The following RUNX2 variants were observed in gnomAD, a reference collection of about 807,000 sequenced individuals.
RUNX2 encodes RUNX family transcription factor 2.
A neutral mutation model predicts 51.7 loss-of-function variants in RUNX2; 10 were observed. The ratio of observed to expected loss-of-function variants is 0.19; its 90% CI spans 0.12 to 0.33. The LOEUF (loss-of-function observed/expected upper bound fraction) is 0.33, where lower values mean the gene tolerates loss of function less well. RUNX2 is among the 10% of genes least tolerant of loss of function. RUNX2 has a pLI of 1.00. For missense variants in RUNX2, 562 were observed against 691.3 expected, an observed-to-expected ratio of 0.81 and a Z score of 2.10; for synonymous variants, 276 against 273.6, an observed-to-expected ratio of 1.01 and a Z score of -0.09.
chr6:45,508,546 T>C (rs1448781454), intron 6 of RUNX2, among the ~76,000 whole-genome samples: 1 of 152,160 alleles, frequency 6.6e-6, no homozygotes, highest in Non-Finnish European at 1.5e-5. Context: ...TTTTCTTTAG[T>C]AACTCTTTCT....
At chr6:45,372,721 C>T (rs1196051078) in intron 2 of RUNX2, among the ~76,000 whole-genome samples, 3 of 152,118 alleles carry the variant, frequency 2.0e-5, no homozygotes, top group Admixed American at 6.5e-5. Context: ...TACAGTGGCA[C>T]AATCTCAGCT....
At chr6:45,329,102 C>A (rs1303322460) in intron 2 of RUNX2, among the ~76,000 whole-genome samples, 1 of 151,844 alleles carries the variant, frequency 6.6e-6, no homozygotes, top group Non-Finnish European at 1.5e-5. Context: ...TTAACCCTCA[C>A]CAGAAGAAAA....
At chr6:45,433,452 T>C (rs1050840257) in intron 4 of RUNX2, among the ~76,000 whole-genome samples, 6 of 152,182 alleles carry the variant, frequency 3.9e-5, no homozygotes, top group African/African-American at 1.4e-4. Context: ...GATTTACCTG[T>C]ATGCTCTGAA....
intron 2 of RUNX2, among the ~76,000 whole-genome samples, chr6:45,343,925 C>T (rs1472820945): frequency 6.6e-6 from 1 of 152,204 alleles, no homozygotes; most frequent in Admixed American, 6.5e-5. Context: ...TACAGGCTTT[C>T]ATTTTATAAC....
At chr6:45,450,479 C>A (rs1002066016) in intron 5 of RUNX2, among the ~76,000 whole-genome samples, 9 of 152,226 alleles carry the variant, frequency 5.9e-5, no homozygotes, top group African/African-American at 1.9e-4. Flanking sequence ...GAGGAGCCTA[C>A]ATTCTGTAGA....
At chr6:45,405,902 G>A (rs1797824382) in intron 2 of RUNX2, among the ~76,000 whole-genome samples, 1 of 152,138 alleles carries the variant, frequency 6.6e-6, no homozygotes, top group South Asian at 2.1e-4. Flanking sequence ...TGTGACATTT[G>A]ATGAGATACC....
chr6:45,415,355 C>T (rs1798046586), intron 2 of RUNX2, among the ~76,000 whole-genome samples: 1 of 152,168 alleles, frequency 6.6e-6, no homozygotes, highest in African/African-American at 2.4e-5. Context: ...TAAGAGTCCT[C>T]CCCTCTTCTC....
At chr6:45,488,166 T>C (rs1021207671) in intron 5 of RUNX2, among the ~76,000 whole-genome samples, 2 of 152,170 alleles carry the variant, frequency 1.3e-5, no homozygotes, top group African/African-American at 4.8e-5. Flanking sequence ...CTGAATCGAT[T>C]TGAGATATAG....
intron 2 of RUNX2, among the ~76,000 whole-genome samples, chr6:45,391,301 T>C (rs1376335270): frequency 2.0e-5 from 3 of 152,128 alleles, no homozygotes; most frequent in African/African-American, 7.2e-5. Context: ...TTATATGAGA[T>C]TCTGTTGTTT....
At chr6:45,447,056 C>A (rs529842122) in intron 5 of RUNX2, among the ~76,000 whole-genome samples, 1 of 152,268 alleles carries the variant, frequency 6.6e-6, no homozygotes, top group East Asian at 1.9e-4. Context: ...CCCAAGCACC[C>A]CTGGAAAAGG....
intron 5 of RUNX2, among the ~76,000 whole-genome samples, chr6:45,448,155 A>G (rs1799057463): frequency 6.6e-6 from 1 of 152,206 alleles, no homozygotes; most frequent in Non-Finnish European, 1.5e-5. Flanking sequence ...GGTCAGAGGG[A>G]ATGTTCCTGC....
chr6:45,422,726 G>GCAA lies in RUNX2; in HGVS notation c.195_197dup (p.Gln71dup), dbSNP rs1798242225. 1 of 1,583,370 alleles carries GCAA rather than the reference G, an allele frequency of 6.3e-7. No individual in the cohort carries two copies. The highest frequency in any genetic ancestry group is 1.8e-5 in the Admixed American group (1 of 56,434). ...AGCAGCAACAGCAGCAGCAGCAGCA[G>GCAA]CAACAGCAGCAGCAGCAGCAGGAGG... On this transcript the variant is annotated inframe_insertion, in exon 3 of 9. Transcript: ENST00000647337.
chr6:45,433,330 A>ATG (rs1485095557), intron 4 of RUNX2, among the ~76,000 whole-genome samples: 6 of 151,984 alleles, frequency 3.9e-5, no homozygotes, highest in East Asian at 1.9e-4. Context: ...GGTTTGGAGT[A>ATG]TGTGTGTGTG....
intron 2 of RUNX2, among the ~76,000 whole-genome samples, chr6:45,352,540 T>C (rs1449215463): frequency 1.3e-5 from 2 of 152,106 alleles, no homozygotes; most frequent in Non-Finnish European, 2.9e-5. Flanking sequence ...TAAAAATAAA[T>C]CTATAAATTC....
chr6:45,385,196 G>T (rs1265385976), intron 2 of RUNX2, among the ~76,000 whole-genome samples: 5 of 152,176 alleles, frequency 3.3e-5, no homozygotes, highest in Non-Finnish European at 7.3e-5. Flanking sequence ...AAACAAGGAA[G>T]AGCAAAGGTA....
intron 5 of RUNX2, among the ~76,000 whole-genome samples, chr6:45,490,021 A>G (rs908202881): frequency 3.3e-5 from 5 of 152,192 alleles, no homozygotes; most frequent in Non-Finnish European, 7.4e-5. Context: ...CTAGAATACC[A>G]GCACTGATGG....
At chr6:45,362,602 C>T (rs745919410) in intron 2 of RUNX2, among the ~76,000 whole-genome samples, 1 of 152,050 alleles carries the variant, frequency 6.6e-6, no homozygotes, top group Non-Finnish European at 1.5e-5. Flanking sequence ...GCCCTATTTC[C>T]CTGTTCTATA....
rs751673070 is a variant in RUNX2, at chr6:45,422,729, ACAGCAG to A, written c.208_213del (p.Gln70_Gln71del). 2.6e-6 allele frequency: 4 copies of A among 1,557,460 alleles called. No homozygotes were observed. Among genetic ancestry groups the A allele is most frequent in the Non-Finnish European group, 3.5e-6 (4 of 1,149,356 alleles). ...AGCAACAGCAGCAGCAGCAGCAGCA[ACAGCAG>A]CAGCAGCAGCAGGAGGCGGCGGCGG... is the stretch of plus-strand genomic sequence containing the variant. On this transcript the variant is annotated inframe_deletion, in exon 3 of 9. Coordinates refer to ENST00000647337, the MANE Select transcript of RUNX2 (RefSeq NM_001024630.4).
chr6:45,544,728 C>G (rs1011329214), intron 7 of RUNX2, among the ~76,000 whole-genome samples: 3 of 152,184 alleles, frequency 2.0e-5, no homozygotes, highest in Non-Finnish European at 1.5e-5. Flanking sequence ...TCAAGGTCAC[C>G]TGGATGCCCT....
Sources: allele counts gnomAD v4.1 joint callset (sites outside exome capture counted in the v4.1 genomes callset), GRCh38; gene constraint gnomAD v4.1.1; transcripts MANE v1.5; gene names NCBI Gene and HGNC (gene_info 2026-07-23, HGNC 2026-07-21).